The following MYO1E variants were observed in gnomAD, a reference collection of about 807,000 sequenced individuals.
MYO1E encodes unconventional myosin-Ie.
In MYO1E, 68 loss-of-function variants were observed where a neutral mutation model predicts 151.1. The observed-to-expected ratio is 0.45, with a 90% CI of 0.37 to 0.55. The LOEUF is 0.55. MYO1E is among the 20% of genes least tolerant of loss of function. The pLI is 0.00. For missense variants in MYO1E, 1,363 were observed against 1,389.3 expected (o/e 0.98, Z 0.30); for synonymous variants, 601 against 501.7 (o/e 1.20, Z -2.64).
At chr15:59,273,304 T>C (rs1421757470) in intron 1 of MYO1E, among the ~76,000 whole-genome samples, 2 of 152,202 alleles carry the variant, frequency 1.3e-5, no homozygotes, top group Admixed American at 1.3e-4. Context: ...GTCCCCCATG[T>C]GTTCAGCTAC....
chr15:59,277,548 CAAAAAAAAAAAA>C (rs1166969756), intron 1 of MYO1E, among the ~76,000 whole-genome samples: 1 of 42,946 alleles, frequency 2.3e-5, no homozygotes, highest in African/African-American at 8.0e-5. Flanking sequence ...CATCCCCCCA[CAAAAAAAAAAAA>C]AAAAAAAAAA....
intron 1 of MYO1E, among the ~76,000 whole-genome samples, chr15:59,277,654 T>G (rs2080329266): frequency 6.6e-6 from 1 of 152,084 alleles, no homozygotes; most frequent in African/African-American, 2.4e-5. Context: ...AAGATACATG[T>G]GCAAGGTTGT....
Position 59,372,810 on chromosome 15 carries a change from C to A in MYO1E, c.-310G>T, listed in dbSNP as rs776598205. The A allele has an allele frequency of 1.0e-5, 5 of 482,526 alleles. No homozygotes were observed. The highest frequency in any genetic ancestry group is 4.1e-5 in the African/African-American group (2 of 49,156). The allele number at this position is 482,526 out of a possible 1,614,324, so 29.9% of individuals were successfully genotyped here. Reference sequence around the variant, plus strand: ...TCCGATGCGCTCGGAGCGTCCGCCTCGCTCCCCTGCCTCACTCCTCTTTCT... The same window carrying A: ...TCCGATGCGCTCGGAGCGTCCGCCTAGCTCCCCTGCCTCACTCCTCTTTCT... On this transcript the variant is annotated 5_prime_UTR_variant, in exon 1 of 28. Coordinates refer to ENST00000288235, the MANE Select transcript of MYO1E (RefSeq NM_004998.4).
chr15:59,217,942 C>T lies in MYO1E; in HGVS notation c.1056G>A (p.Arg352=). ...TLNVEQACYT[R]DALAKALHAR... is the part of the protein sequence containing the mutation. ...CGTGCAGGGCCTTGGCGAGCGCATC[C>T]CGGGTGTAACAGGCCTGCTCTACGT... The change falls in exon 10 of 28, where the codon CGG becomes CGA. Residue 352 remains arginine (R), a synonymous_variant. Coordinates refer to ENST00000288235, the MANE Select transcript of MYO1E (RefSeq NM_004998.4). The T allele has an allele frequency of 6.2e-7, 1 of 1,614,198 alleles. No homozygotes were observed. The highest frequency in any genetic ancestry group is 8.5e-7 in the Non-Finnish European group (1 of 1,180,032).
intron 4 of MYO1E, among the ~76,000 whole-genome samples, chr15:59,248,400 C>T (rs34827755): frequency 0.17 from 24,601 of 146,628 alleles, 2,681 homozygotes; most frequent in East Asian, 0.54. Context: ...GCAGGAGAAT[C>T]GCTTGAACCC....
intron 14 of MYO1E, chr15:59,206,900 CT>C: frequency 6.3e-7 from 1 of 1,580,670 alleles, no homozygotes; most frequent in Non-Finnish European, 8.6e-7. Flanking sequence ...GGATCAGCAG[CT>C]TTTTTCCATT....
chr15:59,311,699 T>G (rs1358322623), intron 1 of MYO1E, among the ~76,000 whole-genome samples: 1 of 152,148 alleles, frequency 6.6e-6, no homozygotes, highest in African/African-American at 2.4e-5. Context: ...AAAGTTCATG[T>G]GCTGAAAACT....
chr15:59,151,036 CACACACACACACA>C (rs1566964844), intron 26 of MYO1E, among the ~76,000 whole-genome samples: 5,166 of 139,582 alleles, frequency 0.037, 295 homozygotes, highest in African/African-American at 0.14. Context: ...CACACACACA[CACACACACACACA>C]CGCGCGCGCG....
chr15:59,207,006 A>T, intron 14 of MYO1E: 1 of 1,613,768 alleles, frequency 6.2e-7, no homozygotes, highest in Middle Eastern at 1.6e-4. Context: ...CGAATTTCCT[A>T]TGCCTGGGGA....
chr15:59,244,412 A>G (rs1464466316), intron 4 of MYO1E, among the ~76,000 whole-genome samples: 3 of 152,256 alleles, frequency 2.0e-5, no homozygotes, highest in African/African-American at 7.2e-5. Context: ...TTTTCCATGT[A>G]TATTTCCTCA....
At chr15:59,307,904 C>G (rs2140408219) in intron 1 of MYO1E, among the ~76,000 whole-genome samples, 1 of 150,554 alleles carries the variant, frequency 6.6e-6, no homozygotes, top group Non-Finnish European at 1.5e-5. Flanking sequence ...GCCACCACGC[C>G]TGGCTCCAGT....
rs1174479255 is a variant in MYO1E, at chr15:59,135,543, C to G, written c.*1837G>C. The G allele has an allele frequency of 6.6e-6, 1 of 152,334 alleles. No homozygotes were observed. The highest frequency in any genetic ancestry group is 1.9e-4 in the East Asian group (1 of 5,188). The allele number at this position is 152,334 out of a possible 1,614,324, so 9.4% of individuals were successfully genotyped here. A position where few individuals can be genotyped will look rare whatever the true frequency, so the allele number is the denominator to read the frequency against. On this transcript the variant is annotated 3_prime_UTR_variant, in exon 28 of 28. Transcript: ENST00000288235. ...ACAGGATTACCTTTCCTCAACTCAC[C>G]GCATCATGGCTCTACTTTCCTCTCT...
intron 13 of MYO1E, among the ~76,000 whole-genome samples, chr15:59,209,308 T>C (rs1211152974): frequency 6.6e-6 from 1 of 152,230 alleles, no homozygotes; most frequent in Non-Finnish European, 1.5e-5. Context: ...GCATTCCTCA[T>C]GTTTTACACA....
chr15:59,201,088 T>A (rs77461134), intron 16 of MYO1E, among the ~76,000 whole-genome samples: 137 of 151,816 alleles, frequency 9.0e-4, no homozygotes, highest in African/African-American at 3.1e-3. Flanking sequence ...CATGATTGTG[T>A]GTGACACAAT....
rs934254835 is a variant in MYO1E, at chr15:59,194,889, G to A, written c.1805+572C>T. On this transcript the variant is annotated intron_variant, in intron 17 of 27. Transcript: ENST00000288235. ...GCTTCACTGGAAGTCAGGGCAGAAA[G>A]GGTTTGCTGAATTCTTGTGCTCTGC... Among the ~76,000 whole-genome samples, 4 of 152,228 alleles carry A rather than the reference G, an allele frequency of 2.6e-5. No individual in the cohort carries two copies. In the East Asian group the frequency reaches 5.8e-4, roughly 22 times the overall value.
intron 1 of MYO1E, among the ~76,000 whole-genome samples, chr15:59,352,589 G>T (rs550215941): frequency 6.6e-6 from 1 of 152,200 alleles, no homozygotes; most frequent in South Asian, 2.1e-4. Flanking sequence ...TTTTCAGATG[G>T]GTAACCTTAA....
At chr15:59,256,013 C>T (rs756570078) in intron 4 of MYO1E, among the ~76,000 whole-genome samples, 5 of 152,282 alleles carry the variant, frequency 3.3e-5, no homozygotes, top group South Asian at 4.1e-4. Flanking sequence ...TAGGGACCTA[C>T]AGAAAAGGAA....
chr15:59,294,619 C>T (rs1407628031), intron 1 of MYO1E, among the ~76,000 whole-genome samples: 6 of 152,190 alleles, frequency 3.9e-5, no homozygotes, highest in Non-Finnish European at 7.3e-5. Flanking sequence ...GAACACAGGC[C>T]TTCTTGGCTC....
intron 1 of MYO1E, among the ~76,000 whole-genome samples, chr15:59,342,234 C>T (rs2080769963): frequency 6.6e-6 from 1 of 152,148 alleles, no homozygotes; most frequent in South Asian, 2.1e-4. Flanking sequence ...TAGATTTTTT[C>T]CTACAGAGTT....
Sources: gnomAD v4.1 joint callset for allele counts (sites outside exome capture counted in the v4.1 genomes callset) on GRCh38, gnomAD v4.1.1 for gene constraint, MANE v1.5 for transcripts, NCBI Gene and HGNC (gene_info 2026-07-23, HGNC 2026-07-21) for gene names.